PRH1: variants seen among roughly 807,000 people sequenced by gnomAD.
The protein encoded by PRH1 is salivary acidic proline-rich phosphoprotein 1/2.
In PRH1, 7 loss-of-function variants were observed where a neutral mutation model predicts 7.9. The ratio of observed to expected loss-of-function variants is 0.89; its 90% confidence interval spans 0.50 to 1.67. The LOEUF is 1.67. Ranked by LOEUF, PRH1 falls within the 40% of genes most tolerant of loss-of-function variation. PRH1 has a pLI of 0.00. For synonymous variants in PRH1, 45 were observed against 80.8 expected (o/e 0.56, Z 2.38); for missense variants, 109 against 223.6 (o/e 0.49, Z 3.27).
chr12:11,169,744 T>C (rs1204554024), intron 1 of PRH1, among the ~76,000 whole-genome samples: 1 of 152,184 alleles, frequency 6.6e-6, no homozygotes, highest in Non-Finnish European at 1.5e-5. Flanking sequence ...GTTCTCAGAA[T>C]TGATCATTTA....
At chr12:11,032,103 G>A (rs1942250070) in intron 1 of PRH1, among the ~76,000 whole-genome samples, 1 of 152,080 alleles carries the variant, frequency 6.6e-6, no homozygotes, top group South Asian at 2.1e-4. Context: ...GTTATAGGCT[G>A]GAATTATTCA....
intron 1 of PRH1, among the ~76,000 whole-genome samples, chr12:11,065,375 TCTC>T (rs1159377531): frequency 7.1e-6 from 1 of 141,612 alleles, no homozygotes; most frequent in Non-Finnish European, 1.6e-5. Flanking sequence ...TTTGGAAAAA[TCTC>T]CACAATGCTT....
At chr12:10,885,783 G>A (rs1949483124), upstream of PRH1, among the ~76,000 whole-genome samples, 1 of 152,202 alleles carries the variant, frequency 6.6e-6, no homozygotes, top group Admixed American at 6.5e-5. Context: ...TTTATTTGAG[G>A]ATAGCTTGGT....
At chr12:10,984,086 C>G (rs1209791160) in intron 1 of PRH1, among the ~76,000 whole-genome samples, 1 of 116,944 alleles carries the variant, frequency 8.6e-6, no homozygotes, top group Non-Finnish European at 2.0e-5. Context: ...GTAACTAACT[C>G]AGTTTTTTTT....
chr12:11,072,089 T>C (rs544905347), intron 1 of PRH1, among the ~76,000 whole-genome samples: 1 of 152,096 alleles, frequency 6.6e-6, no homozygotes, highest in South Asian at 2.1e-4. Context: ...TGCCTCATCC[T>C]TCTGTGTAAC....
intron 1 of PRH1, among the ~76,000 whole-genome samples, chr12:11,154,113 G>C (rs1947184556): frequency 6.6e-6 from 1 of 152,084 alleles, no homozygotes; most frequent in Admixed American, 6.5e-5. Context: ...TTAGAATAAA[G>C]TCACTCAAAT....
chr12:11,156,069 C>A (rs1322638661), intron 1 of PRH1, among the ~76,000 whole-genome samples: 4 of 152,134 alleles, frequency 2.6e-5, no homozygotes, highest in Admixed American at 6.5e-5. Flanking sequence ...CCTTTATTTT[C>A]ATTCCTTCTT....
At chr12:10,930,865 C>A in intron 2 of PRH1, 2 of 1,613,244 alleles carry the variant, frequency 1.2e-6, no homozygotes, top group Non-Finnish European at 1.7e-6. Context: ...AGGCCATCCC[C>A]CTCCTCCTCA....
At chr12:11,043,685 C>G (rs544424919) in intron 1 of PRH1, among the ~76,000 whole-genome samples, 65 of 152,148 alleles carry the variant, frequency 4.3e-4, no homozygotes, top group African/African-American at 1.5e-3. Flanking sequence ...ATTAATCCCA[C>G]TCACAAAAGC....
chr12:11,115,246 AG>A, intron 1 of PRH1, among the ~76,000 whole-genome samples: 1 of 152,208 alleles, frequency 6.6e-6, no homozygotes, highest in Non-Finnish European at 1.5e-5. Context: ...AAAAAAGTGG[AG>A]TACCTATACA....
At chr12:11,072,773 T>C (rs1479044663) in intron 1 of PRH1, among the ~76,000 whole-genome samples, 5 of 131,520 alleles carry the variant, frequency 3.8e-5, no homozygotes, top group Non-Finnish European at 7.0e-5. Context: ...GGCTCTCGAT[T>C]AAGTGAATAT....
At chr12:11,117,354 C>G (rs1945759889), downstream of PRH1, among the ~76,000 whole-genome samples, 1 of 151,758 alleles carries the variant, frequency 6.6e-6, no homozygotes, top group African/African-American at 2.4e-5. Flanking sequence ...ATTAACTCAG[C>G]CAAAGAGATG....
intron 1 of PRH1, among the ~76,000 whole-genome samples, chr12:11,147,874 G>A (rs1946916173): frequency 6.6e-6 from 1 of 151,882 alleles, no homozygotes. Flanking sequence ...AAATTACCTT[G>A]GGCAGTATGG....
intron 2 of PRH1, among the ~76,000 whole-genome samples, chr12:10,935,344 A>C (rs1950271706): frequency 6.6e-6 from 1 of 152,164 alleles, no homozygotes; most frequent in South Asian, 2.1e-4. Context: ...GACATTAAAA[A>C]ATATTATATA....
At chr12:10,964,232 T>C (rs1163034424) in intron 2 of PRH1, among the ~76,000 whole-genome samples, 2 of 152,170 alleles carry the variant, frequency 1.3e-5, no homozygotes, top group Non-Finnish European at 2.9e-5. Context: ...TCTTAAGTGT[T>C]TCATATACAC....
At chr12:10,982,470 T>C (rs547310445) in intron 1 of PRH1, among the ~76,000 whole-genome samples, 1 of 152,350 alleles carries the variant, frequency 6.6e-6, no homozygotes, top group East Asian at 1.9e-4. Flanking sequence ...CAGCACTTTG[T>C]ATGCGGCTTT....
chr12:11,074,202 T>C (rs1337696029), intron 1 of PRH1, among the ~76,000 whole-genome samples: 1 of 37,008 alleles, frequency 2.7e-5, no homozygotes, highest in Admixed American at 3.6e-4. Context: ...GCTCACTTCA[T>C]GTAAAGTCTA....
rs1213597402 is a variant in PRH1 at position 11,094,475 on chromosome 12, A to G, written n.124-47287T>C. ...TTGTTGTGTCAGGAATTCAGGAGCC[A>G]AAAGAAAAAATAGATGGGGAATGGC... is the stretch of plus-strand genomic sequence containing the variant. On this transcript the variant is annotated intron_variant and non_coding_transcript_variant, in intron 1 of 4. Coordinates refer to the PRH1 transcript ENST00000541977. Among the ~76,000 whole-genome samples, 52 of 114,196 alleles carry G rather than the reference A, an allele frequency of 4.6e-4. 13 individuals carry two copies. Among genetic ancestry groups the G allele is most frequent in the African/African-American group, 1.3e-3 (44 of 33,986 alleles). The allele number at this position is 114,196 out of a possible 152,430, so 74.9% of individuals were successfully genotyped here.
At chr12:11,104,972 T>C (rs1000903463) in intron 1 of PRH1, among the ~76,000 whole-genome samples, 1 of 151,836 alleles carries the variant, frequency 6.6e-6, no homozygotes, top group Non-Finnish European at 1.5e-5. Context: ...TATACACTTA[T>C]TAATAATGCC....
Sources: allele counts gnomAD v4.1 joint callset (sites outside exome capture counted in the v4.1 genomes callset), GRCh38; gene constraint gnomAD v4.1.1; transcripts MANE v1.5; gene names NCBI Gene and HGNC (gene_info 2026-07-23, HGNC 2026-07-21).